Variants in CAPZB observed in about 807,000 individuals in gnomAD.
CAPZB encodes F-actin-capping protein subunit beta.
Under a neutral mutation model 38.1 loss-of-function variants are expected in CAPZB, and 2 were observed. The ratio of observed to expected loss-of-function variants is 0.05; its 90% CI spans 0.02 to 0.17. The LOEUF (loss-of-function observed/expected upper bound fraction) is 0.17. CAPZB is among the 10% of genes least tolerant of loss of function. The pLI, the probability that CAPZB is intolerant of heterozygous loss-of-function variation, is 1.00. For synonymous variants in CAPZB, 107 were observed against 127.4 expected (o/e 0.84, Z 1.08); for missense variants, 161 against 334.2 (o/e 0.48, Z 4.04).
At chr1:19,410,624 G>A (rs1206143391) in intron 2 of CAPZB, among the ~76,000 whole-genome samples, 2 of 151,894 alleles carry the variant, frequency 1.3e-5, no homozygotes, top group South Asian at 2.1e-4. Flanking sequence ...AACATCGCCT[G>A]CCCAGAGCTC....
chr1:19,344,513 T>C, intron 7 of CAPZB, 79 bp from the exon 8 acceptor site: 1 of 1,114,500 alleles, frequency 9.0e-7, no homozygotes, highest in Non-Finnish European at 1.4e-6. Flanking sequence ...CTGCCAGCCC[T>C]GCAGTCCCCA....
intron 1 of CAPZB, among the ~76,000 whole-genome samples, chr1:19,459,194 A>C (rs146254854): frequency 0.012 from 1,834 of 152,314 alleles, 24 homozygotes; most frequent in Middle Eastern, 0.054. Context: ...ATTTTACTCA[A>C]CAAAGTAAAA....
intron 1 of CAPZB, among the ~76,000 whole-genome samples, chr1:19,436,180 T>C (rs1038932304): frequency 4.6e-5 from 7 of 152,226 alleles, no homozygotes; most frequent in African/African-American, 1.7e-4. Context: ...ACAAACAATT[T>C]GGAAGTTTTA....
intron 1 of CAPZB, among the ~76,000 whole-genome samples, chr1:19,468,144 T>A (rs1001357969): frequency 2.3e-4 from 35 of 152,194 alleles, no homozygotes; most frequent in South Asian, 2.1e-4. Flanking sequence ...AACTCCAAAC[T>A]ATGCATATAG....
rs169957 is a variant in CAPZB, at chr1:19,356,807, G to T, written c.472-56C>A. 0.43 allele frequency: 491,324 copies of T among 1,145,724 alleles called. 105,759 individuals carry two copies. Among genetic ancestry groups the T allele is most frequent in the East Asian group, 0.6 (25,340 of 42,464 alleles). 71.0% of individuals were successfully genotyped at this position (1,145,724 alleles called of 1,614,324 possible). A position where few individuals can be genotyped will look rare whatever the true frequency, so the allele number is the denominator to read the frequency against. On this transcript the variant is annotated intron_variant, in intron 5 of 8. Transcript: ENST00000264202. This position sits in a 1 kb window ranked among gnomAD's most constrained non-coding sequence, Gnocchi z 4.3. ...TGAGGGAGAGCCTGAAGTGGCCCCT[G>T]GAATTCAGGGTCATCCTAACATCTC...
rs1039865412 is a variant in CAPZB, at chr1:19,339,221, CAG to C, written c.*307_*308del. 14 of 375,298 alleles carry C rather than the reference CAG, an allele frequency of 3.7e-5. No individual in the cohort carries two copies. Among genetic ancestry groups the C allele is most frequent in the Non-Finnish European group, 6.8e-5 (14 of 206,008 alleles). The allele number at this position is 375,298 out of a possible 1,614,324, so 23.2% of individuals were successfully genotyped here. ...GTGGGAGGGAAGGGAGGCTGGCAGA[CAG>C]TGGATTTTATGCCTATAAATGGGGG... On this transcript the variant is annotated 3_prime_UTR_variant, in exon 9 of 9. Coordinates refer to ENST00000264202, the MANE Select transcript of CAPZB (RefSeq NM_004930.5).
chr1:19,467,090 T>C (rs1017530829), intron 1 of CAPZB, among the ~76,000 whole-genome samples: 4 of 151,496 alleles, frequency 2.6e-5, no homozygotes, highest in South Asian at 2.1e-4. Context: ...TTTGTAGAGA[T>C]TGGGTCTCAC....
chr1:19,361,984 G>A (rs990731353), intron 4 of CAPZB, among the ~76,000 whole-genome samples: 1 of 152,310 alleles, frequency 6.6e-6, no homozygotes, highest in South Asian at 2.1e-4. Flanking sequence ...GTGGCCAAGC[G>A]CTGAGAGCAG....
chr1:19,406,966 T>C (rs2094335510), intron 2 of CAPZB, among the ~76,000 whole-genome samples: 1 of 152,186 alleles, frequency 6.6e-6, no homozygotes, highest in African/African-American at 2.4e-5. Flanking sequence ...GTCACACAGC[T>C]AAGACGTGGT....
chr1:19,381,977 G>A (rs772382946), intron 3 of CAPZB, among the ~76,000 whole-genome samples: 1 of 152,108 alleles, frequency 6.6e-6, no homozygotes, highest in Non-Finnish European at 1.5e-5. Context: ...TGAGGGTGTG[G>A]AGCTGAATTC....
At chr1:19,352,082 G>A (rs1006355476) in intron 6 of CAPZB, among the ~76,000 whole-genome samples, 2 of 152,216 alleles carry the variant, frequency 1.3e-5, no homozygotes, top group South Asian at 2.1e-4. Flanking sequence ...CCTCCCCAGC[G>A]AGCGTGCACT....
At chr1:19,435,658 T>G (rs2094455875) in intron 1 of CAPZB, among the ~76,000 whole-genome samples, 1 of 151,988 alleles carries the variant, frequency 6.6e-6, no homozygotes, top group Admixed American at 6.6e-5. Flanking sequence ...AACCAAGGAG[T>G]TAAGTGCCAG....
intron 1 of CAPZB, among the ~76,000 whole-genome samples, chr1:19,443,837 C>G (rs1041158426): frequency 3.5e-4 from 54 of 152,298 alleles, no homozygotes; most frequent in African/African-American, 1.3e-3. Context: ...TCAAAGCCTT[C>G]TGGGGCACTC....
chr1:19,434,214 C>A (rs887134484), intron 1 of CAPZB, among the ~76,000 whole-genome samples: 3 of 152,278 alleles, frequency 2.0e-5, no homozygotes, highest in South Asian at 2.1e-4. Context: ...GGAAGTAAGA[C>A]AGACAAGAGT....
At chr1:19,485,318 A>C (rs893362341) in intron 1 of CAPZB, 118 bp downstream of exon 1, 1 of 675,428 alleles carries the variant, frequency 1.5e-6, no homozygotes, top group Non-Finnish European at 2.1e-6. Context: ...AGGGTCCGGG[A>C]CCCCGCCCCT....
Position 19,356,734 on chromosome 1 carries a change from G to A in CAPZB, c.489C>T (p.Arg163=), listed in dbSNP as rs143868401. 38 of 1,613,468 alleles carry A rather than the reference G, an allele frequency of 2.4e-5. No homozygotes were observed. In the East Asian group the frequency reaches 7.8e-4, roughly 33 times the overall value. Residue 163 remains arginine, a synonymous_variant, in exon 6 of 9, where the codon CGC becomes CGT. Transcript: ENST00000264202. The surrounding 1 kb of genome is among the most constrained non-coding windows in gnomAD (Gnocchi z 4.3). ...VVEVQEKSSG[R]TAHYKLTSTV... is the part of the protein sequence containing the mutation. ...TGGAGGTCAACTTGTAATGGGCGGT[G>A]CGACCGCTGGATTTCTCCTGGAAGG...
At chr1:19,380,372 G>C (rs1193704343) in intron 3 of CAPZB, among the ~76,000 whole-genome samples, 2 of 152,246 alleles carry the variant, frequency 1.3e-5, no homozygotes, top group East Asian at 3.8e-4. Flanking sequence ...AATGGGGTGA[G>C]ACACCCCCTG....
intron 2 of CAPZB, among the ~76,000 whole-genome samples, chr1:19,412,754 G>A (rs543718936): frequency 4.6e-5 from 7 of 152,184 alleles, no homozygotes; most frequent in Non-Finnish European, 8.8e-5. Context: ...CTGAGAAACC[G>A]GTTAAAAGGT....
intron 1 of CAPZB, among the ~76,000 whole-genome samples, chr1:19,467,180 C>T (rs916604368): frequency 6.6e-5 from 10 of 152,148 alleles, no homozygotes; most frequent in African/African-American, 1.9e-4. Context: ...CTGGCAACTA[C>T]GGGCACTGTG....
Sources: allele counts gnomAD v4.1 joint callset (sites outside exome capture counted in the v4.1 genomes callset), GRCh38; gene constraint gnomAD v4.1.1; non-coding constraint Gnocchi (gnomAD v3.1); transcripts MANE v1.5; gene names NCBI Gene and HGNC (gene_info 2026-07-23, HGNC 2026-07-21).